AP1G1: variants seen among roughly 807,000 people sequenced by gnomAD.
AP1G1 encodes AP-1 complex subunit gamma-1.
In AP1G1, 7 loss-of-function variants were observed where a neutral mutation model predicts 108.3. The observed-to-expected ratio is 0.06, with a 90% CI of 0.04 to 0.12. The LOEUF (loss-of-function observed/expected upper bound fraction) is 0.12. Among genes scored for constraint, AP1G1 ranks in the 10% least tolerant of loss-of-function variants. AP1G1 has a pLI of 1.00. For missense variants in AP1G1, 756 were observed against 1,010.7 expected (o/e 0.75, Z 3.42); for synonymous variants, 379 against 353.5 (o/e 1.07, Z -0.81).
rs777179061 is a variant in AP1G1, at chr16:71,773,216, G to C, written c.468+5C>G. 3.8e-5 allele frequency: 61 copies of C among 1,612,726 alleles called. No individual in the cohort carries two copies. The highest frequency in any genetic ancestry group is 4.9e-5 in the Non-Finnish European group (58 of 1,179,940). Reference sequence around the variant, plus strand: ...CAAACAGACATTTGGTTCATTAAAAGTTACCTTTTTTCTTAAGTAAGAGTT... The same window carrying C: ...CAAACAGACATTTGGTTCATTAAAACTTACCTTTTTTCTTAAGTAAGAGTT... On this transcript the variant is annotated splice_donor_5th_base_variant and intron_variant, in intron 4 of 22. Coordinates refer to ENST00000299980, the MANE Select transcript of AP1G1 (RefSeq NM_001128.6).
chr16:71,777,920 A>C, intron 2 of AP1G1: 1 of 180,580 alleles, frequency 5.5e-6, no homozygotes, highest in South Asian at 1.0e-4. Flanking sequence ...CTGAGACCAG[A>C]ACCTGGCATT....
rs765504592 is a variant in AP1G1 at position 71,750,346 on chromosome 16, C to A, written c.1285-14G>T. On this transcript the variant is annotated splice_polypyrimidine_tract_variant and intron_variant, in intron 13 of 22. Transcript: ENST00000299980. ...ATAACTTCCTGCCTAAAAGGAAATG[C>A]AGACAATTACCCCTAGAAACACACA... 2 of 1,613,356 alleles carry A rather than the reference C, an allele frequency of 1.2e-6. No individual in the cohort carries two copies. The highest frequency in any genetic ancestry group is 2.2e-5 in the South Asian group (2 of 90,988).
chr16:71,745,515 T>C lies in AP1G1; in HGVS notation c.1830A>G (p.Leu610=). Residue 610 remains leucine (L), a synonymous_variant, in exon 18 of 23, where the codon CTA becomes CTG. Coordinates refer to ENST00000299980, the MANE Select transcript of AP1G1 (RefSeq NM_001128.6). ...GCCCAGAGGGTGGCGGTTTGGTCTC[T>C]AGTGGAGCTGGTTCTGTCTCTCCAT... ...QTNGETEPAP[L]ETKPPPSGPQ... 1 of 1,614,132 alleles carries C rather than the reference T, an allele frequency of 6.2e-7. No individual in the cohort carries two copies. The highest frequency in any genetic ancestry group is 8.5e-7 in the Non-Finnish European group (1 of 1,179,986).
chr16:71,733,326 A>G (rs2045492275), intron 22 of AP1G1, among the ~76,000 whole-genome samples, 167 bp from the exon 23 acceptor site: 1 of 152,238 alleles, frequency 6.6e-6, no homozygotes, highest in South Asian at 2.1e-4. Context: ...TCTAGGCTTG[A>G]GCCAAGAAGC....
At position 71,748,443 on chromosome 16, in the gene AP1G1, A is replaced by C. The variant is rs1211274472; in HGVS notation, c.1498-65T>G. ...TAGCATGATTAAGCATCTAAATCTG[A>C]TATCAAGTCAGGGGAAGCAGCCAGA... On this transcript the variant is annotated intron_variant, in intron 15 of 22. Transcript: ENST00000299980. The C allele has an allele frequency of 6.5e-6, 10 of 1,545,168 alleles. No homozygotes were observed. The South Asian group carries it at 9.4e-5, about 15-fold the overall frequency.
chr16:71,807,334 A>G (rs1470278943), intron 1 of AP1G1, among the ~76,000 whole-genome samples: 1 of 152,238 alleles, frequency 6.6e-6, no homozygotes, highest in Admixed American at 6.5e-5. Context: ...TGGGAGGCTG[A>G]GGCAGGAGAA....
intron 9 of AP1G1, among the ~76,000 whole-genome samples, chr16:71,763,056 G>A (rs530390651): frequency 6.6e-6 from 1 of 152,236 alleles, no homozygotes; most frequent in East Asian, 1.9e-4. Flanking sequence ...TAGGGAAATA[G>A]CCCCAACACA....
intron 4 of AP1G1, among the ~76,000 whole-genome samples, chr16:71,771,953 G>A (rs975948349): frequency 6.6e-5 from 10 of 152,170 alleles, no homozygotes; most frequent in Admixed American, 3.9e-4. Flanking sequence ...GGTTTTACTA[G>A]CTTGTTCACT....
Position 71,767,897 on chromosome 16 carries a change from C to T in AP1G1, c.642+1726G>A, listed in dbSNP as rs1186227196. ...CTTACCTTTTCATTCTAACATACAG[C>T]AGGATTCCAAACAGACAACAGGAAC... On this transcript the variant is annotated intron_variant, in intron 6 of 22. Transcript: ENST00000299980. 5 of 1,599,008 alleles carry T rather than the reference C, an allele frequency of 3.1e-6. No individual in the cohort carries two copies. The Admixed American group carries it at 6.7e-5, about 21-fold the overall frequency.
At chr16:71,753,718 T>C (rs1032794332) in intron 13 of AP1G1, 115 bp downstream of exon 13, 7 of 884,396 alleles carry the variant, frequency 7.9e-6, no homozygotes, top group East Asian at 2.5e-5. Flanking sequence ...CTAACTGACA[T>C]TAATGTTACC....
Position 71,745,258 on chromosome 16 carries a change from A to G in AP1G1, c.1885T>C (p.Leu629=), listed in dbSNP as rs961151647. ...ATGTCATTTCCTCCCAACAAATCCAATAAATCATTGGCCTAAACAAGGTAA... is the reference window on the plus strand; with the variant it reads ...ATGTCATTTCCTCCCAACAAATCCAGTAAATCATTGGCCTAAACAAGGTAA... The part of the protein sequence containing the change: ...PQPTSQANDL[L]DLLGGNDITP... Residue 629 remains leucine, a synonymous_variant, in exon 19 of 23, where the codon TTG becomes CTG. Transcript: ENST00000299980. 8.1e-6 allele frequency: 13 copies of G among 1,614,112 alleles called. No individual in the cohort carries two copies. In the African/African-American group the frequency reaches 1.6e-4, roughly 20 times the overall value.
chr16:71,789,531 A>G (rs761829706), intron 1 of AP1G1, 49 bp from the exon 2 acceptor site: 2 of 1,541,676 alleles, frequency 1.3e-6, no homozygotes, highest in East Asian at 2.3e-5. Context: ...TTTTACTACC[A>G]AAGCTATTCA....
At chr16:71,748,454 G>A in intron 15 of AP1G1, 76 bp from the exon 16 acceptor site, 1 of 1,497,176 alleles carries the variant, frequency 6.7e-7, no homozygotes, top group South Asian at 1.2e-5. Context: ...TATCAAGTCA[G>A]GGGAAGCAGC....
Position 71,763,139 on chromosome 16 carries a change from T to C in AP1G1, c.918+1211A>G, listed in dbSNP as rs989775591. 7.2e-5 allele frequency among the ~76,000 whole-genome samples: 11 copies of C among 152,278 alleles called. 1 individual carries two copies. The highest frequency in any genetic ancestry group is 6.2e-4 in the South Asian group (3 of 4,820). On this transcript the variant is annotated intron_variant, in intron 9 of 22. Coordinates refer to ENST00000299980, the MANE Select transcript of AP1G1 (RefSeq NM_001128.6). ...TACTCGGGAGGCTGAGGTGGAAAGATTGCTTGAGGCCAGGAGTTCAAGATC... is the reference window on the plus strand; with the variant it reads ...TACTCGGGAGGCTGAGGTGGAAAGACTGCTTGAGGCCAGGAGTTCAAGATC...
chr16:71,801,333 TA>T (rs11307473), intron 1 of AP1G1, among the ~76,000 whole-genome samples: 70,099 of 145,024 alleles, frequency 0.48, 17,530 homozygotes, highest in East Asian at 0.93. Context: ...CATGACATGT[TA>T]AAAAAAAAAA....
rs2045585723 is a variant in AP1G1 at position 71,739,057 on chromosome 16, T to C, written c.2153A>G (p.Glu718Gly). Residue 718 changes from glutamate (E) to glycine (G), a missense_variant, in exon 21 of 23, where the codon GAA becomes GGA. Coordinates refer to ENST00000299980, the MANE Select transcript of AP1G1 (RefSeq NM_001128.6). ...GGTATTTGACCGTTCAAAGGTGAAT[T>C]CTATCTTCAAGCCATTCTTACTGTA... ...TAYSKNGLKI[E>G]FTFERSNTNP... The C allele has an allele frequency of 6.2e-7, 1 of 1,614,102 alleles. No homozygotes were observed. Among genetic ancestry groups the C allele is most frequent in the African/African-American group, 1.3e-5 (1 of 74,924 alleles).
At chr16:71,742,440 G>C (rs1049265103) in intron 19 of AP1G1, 2 of 152,000 alleles carry the variant, frequency 1.3e-5, no homozygotes, top group African/African-American at 4.8e-5. Context: ...ATGACTGTGC[G>C]GTTAAACATA....
At chr16:71,778,356 T>G (rs760805190) in intron 2 of AP1G1, among the ~76,000 whole-genome samples, 1 of 152,210 alleles carries the variant, frequency 6.6e-6, no homozygotes, top group African/African-American at 2.4e-5. Context: ...TGGCCAGCCA[T>G]AGTGCTGAGA....
rs561949038 is a variant in AP1G1, at chr16:71,792,517, C to T, written c.-3-3035G>A. ...AAAGCACTGAAAGGAAGGAGGCACA[C>T]CACAGGAACCAAGCATTGGAAGTAA... On this transcript the variant is annotated intron_variant, in intron 1 of 22. Coordinates refer to ENST00000299980, the MANE Select transcript of AP1G1 (RefSeq NM_001128.6). Among the ~76,000 whole-genome samples, 7 of 152,210 alleles carry T rather than the reference C, an allele frequency of 4.6e-5. No homozygotes were observed. The East Asian group carries it at 1.4e-3, about 29-fold the overall frequency.
Sources: allele counts gnomAD v4.1 joint callset (sites outside exome capture counted in the v4.1 genomes callset), GRCh38; gene constraint gnomAD v4.1.1; transcripts MANE v1.5; gene names NCBI Gene and HGNC (gene_info 2026-07-23, HGNC 2026-07-21).